The following KLHL1 variants were observed in gnomAD, a reference collection of about 807,000 sequenced individuals.
The protein encoded by KLHL1 is kelch like family member 1, also known as kelch-like protein 1.
A neutral mutation model predicts 77.7 loss-of-function variants in KLHL1; 47 were observed. That is an observed-to-expected ratio of 0.60 (90% CI 0.48 to 0.77). KLHL1 has a LOEUF of 0.77. Among genes scored for constraint, KLHL1 ranks in the 30% least tolerant of loss-of-function variants. KLHL1 has a pLI of 0.00. For missense variants in KLHL1, 925 were observed against 910.8 expected, an observed-to-expected ratio of 1.02 and a Z score of -0.20; for synonymous variants, 360 against 325.2, an observed-to-expected ratio of 1.11 and a Z score of -1.15.
intron 1 of KLHL1, among the ~76,000 whole-genome samples, chr13:69,995,543 GAA>G (rs1885130136): frequency 6.6e-6 from 1 of 152,082 alleles, no homozygotes; most frequent in African/African-American, 2.4e-5. Context: ...CTTTAAGAAA[GAA>G]TGCTGTAAAA....
intron 1 of KLHL1, among the ~76,000 whole-genome samples, chr13:70,033,207 G>A (rs1391980508): frequency 6.6e-6 from 1 of 152,166 alleles, no homozygotes; most frequent in Non-Finnish European, 1.5e-5. Context: ...CCTAAGTAAT[G>A]AGGGAAAAGT....
chr13:69,876,501 T>C (rs1880767681), intron 5 of KLHL1, among the ~76,000 whole-genome samples: 2 of 152,242 alleles, frequency 1.3e-5, no homozygotes, highest in African/African-American at 2.4e-5. Flanking sequence ...TAAAGTTAAA[T>C]ACTTGAATGT....
intron 1 of KLHL1, among the ~76,000 whole-genome samples, chr13:70,055,568 G>A (rs1409986163): frequency 6.6e-6 from 1 of 152,002 alleles, no homozygotes; most frequent in Non-Finnish European, 1.5e-5. Context: ...TGAGTAGAAA[G>A]AGTAAAAGAC....
At chr13:69,913,329 C>T (rs750764778) in intron 4 of KLHL1, among the ~76,000 whole-genome samples, 5 of 152,194 alleles carry the variant, frequency 3.3e-5, no homozygotes, top group African/African-American at 1.2e-4. Flanking sequence ...TTGGAGACCA[C>T]CTTCCAAGCT....
intron 7 of KLHL1, among the ~76,000 whole-genome samples, chr13:69,757,268 T>C (rs1464882413): frequency 2.0e-5 from 3 of 152,178 alleles, no homozygotes; most frequent in Non-Finnish European, 4.4e-5. Flanking sequence ...AGACCACATA[T>C]GGTCATTGTT....
chr13:69,957,241 C>T (rs11620443), intron 3 of KLHL1, among the ~76,000 whole-genome samples: 12,802 of 151,646 alleles, frequency 0.084, 604 homozygotes, highest in Non-Finnish European at 0.11. Flanking sequence ...CTGAGAATGC[C>T]AACAAGTAGA....
chr13:69,886,920 C>T (rs1049346672), intron 4 of KLHL1, among the ~76,000 whole-genome samples: 1 of 151,970 alleles, frequency 6.6e-6, no homozygotes, highest in Non-Finnish European at 1.5e-5. Flanking sequence ...GATTTCAATG[C>T]ACCAGAGGAT....
chr13:69,779,779 T>C (rs1040610673), intron 7 of KLHL1, among the ~76,000 whole-genome samples: 1 of 152,010 alleles, frequency 6.6e-6, no homozygotes, highest in Non-Finnish European at 1.5e-5. Context: ...TTTTATTTCC[T>C]ATGCAAAATT....
chr13:69,739,277 G>A (rs990573488), intron 8 of KLHL1, among the ~76,000 whole-genome samples: 16 of 152,124 alleles, frequency 1.1e-4, no homozygotes, highest in African/African-American at 3.9e-4. Context: ...AGGACGAATT[G>A]TTACCAGCCG....
intron 4 of KLHL1, among the ~76,000 whole-genome samples, chr13:69,938,290 G>C (rs1345660685): frequency 6.6e-6 from 1 of 152,010 alleles, no homozygotes; most frequent in African/African-American, 2.4e-5. Context: ...AAAATAATTT[G>C]AAATCATTTA....
At chr13:69,777,887 G>T (rs534807124) in intron 7 of KLHL1, among the ~76,000 whole-genome samples, 1 of 152,150 alleles carries the variant, frequency 6.6e-6, no homozygotes, top group South Asian at 2.1e-4. Flanking sequence ...GTATTATAGT[G>T]TGCATTTTAC....
chr13:69,963,986 G>T lies in KLHL1; in HGVS notation c.681-2542C>A, dbSNP rs2501224. The stretch of plus-strand genomic sequence containing the variant: ...ATAGAATTCTAGGGTGATTTTTTTT[G>T]AACTTGAAATATACAATTTCATTAT... On this transcript the variant is annotated intron_variant, in intron 2 of 10. Coordinates refer to ENST00000377844, the MANE Select transcript of KLHL1 (RefSeq NM_020866.3). Among the ~76,000 whole-genome samples, 1,013 of 151,772 alleles carry T rather than the reference G, an allele frequency of 6.7e-3. 14 individuals are homozygous for T. Among genetic ancestry groups the T allele is most frequent in the African/African-American group, 0.023 (958 of 41,452 alleles).
At chr13:69,860,528 A>G (rs1284862123) in intron 5 of KLHL1, among the ~76,000 whole-genome samples, 2 of 152,038 alleles carry the variant, frequency 1.3e-5, no homozygotes, top group African/African-American at 2.4e-5. Context: ...TCATGAATCC[A>G]AAGTCTTAAA....
chr13:69,769,563 C>T (rs1303203990), intron 7 of KLHL1, among the ~76,000 whole-genome samples: 1 of 152,102 alleles, frequency 6.6e-6, no homozygotes, highest in African/African-American at 2.4e-5. Context: ...TCCTGTTTGC[C>T]ACTCTTTCCA....
intron 8 of KLHL1, among the ~76,000 whole-genome samples, chr13:69,724,522 C>A (rs1005704261): frequency 5.9e-5 from 9 of 152,014 alleles, no homozygotes; most frequent in Non-Finnish European, 1.2e-4. Flanking sequence ...AATACCAAAG[C>A]CAGACAAAGA....
At chr13:69,816,884 G>A (rs1309004790) in intron 6 of KLHL1, among the ~76,000 whole-genome samples, 1 of 152,068 alleles carries the variant, frequency 6.6e-6, no homozygotes, top group East Asian at 1.9e-4. Flanking sequence ...CCTGAACCCA[G>A]GAGGCAGAGT....
rs542114670 is a variant in KLHL1, at chr13:70,077,789, A to G, written c.497+29414T>C. ...TTTCAAAATTGATAATGAGCTGAAC[A>G]TTTTAGAAACATATTATATACACAA... On this transcript the variant is annotated intron_variant, in intron 1 of 10. Coordinates refer to ENST00000377844, the MANE Select transcript of KLHL1 (RefSeq NM_020866.3). Among the ~76,000 whole-genome samples the G allele has an allele frequency of 2.0e-5, 3 of 152,136 alleles. No homozygotes were observed. In the South Asian group the frequency reaches 6.2e-4, roughly 31 times the overall value.
At chr13:70,008,843 T>G (rs1885464543) in intron 1 of KLHL1, among the ~76,000 whole-genome samples, 1 of 152,120 alleles carries the variant, frequency 6.6e-6, no homozygotes, top group African/African-American at 2.4e-5. Flanking sequence ...ATTAATTAAT[T>G]TTCATTGATT....
At chr13:69,753,058 G>T (rs983155861) in intron 7 of KLHL1, among the ~76,000 whole-genome samples, 1 of 152,030 alleles carries the variant, frequency 6.6e-6, no homozygotes, top group South Asian at 2.1e-4. Context: ...GAAGTGTGTT[G>T]CAGTCTGAGA....
Sources: gnomAD v4.1 joint callset for allele counts (sites outside exome capture counted in the v4.1 genomes callset) on GRCh38, gnomAD v4.1.1 for gene constraint, MANE v1.5 for transcripts, NCBI Gene and HGNC (gene_info 2026-07-23, HGNC 2026-07-21) for gene names.